Variants in IFT140 observed in about 807,000 individuals in gnomAD.
The protein encoded by IFT140 is intraflagellar transport protein 140 homolog.
A neutral mutation model predicts 164.6 loss-of-function variants in IFT140; 133 were observed. The observed-to-expected ratio is 0.81, with a 90% confidence interval of 0.70 to 0.93. IFT140 has a LOEUF of 0.93. Among genes scored for constraint, IFT140 ranks in the 40% least tolerant of loss-of-function variants. The probability of loss-of-function intolerance (pLI) is 0.00; values close to 1 mark genes in which losing one functional copy is unlikely to be tolerated. For synonymous variants in IFT140, 860 were observed against 817.3 expected (o/e 1.05, Z -0.89); for missense variants, 2,045 against 1,972.3 (o/e 1.04, Z -0.70).
intron 1 of IFT140, among the ~76,000 whole-genome samples, chr16:1,611,090 G>A (rs1213604038): frequency 1.3e-5 from 2 of 152,244 alleles, no homozygotes; most frequent in African/African-American, 2.4e-5. Context: ...GAGGGCGTGG[G>A]TCAAGCGTTT....
intron 19 of IFT140, among the ~76,000 whole-genome samples, chr16:1,534,722 A>C (rs1478490650): frequency 6.6e-6 from 1 of 152,154 alleles, no homozygotes; most frequent in African/African-American, 2.4e-5. Flanking sequence ...CCAGGGAACC[A>C]GGCCCCAAGG....
intron 19 of IFT140, among the ~76,000 whole-genome samples, chr16:1,550,230 G>A (rs1255618205): frequency 1.3e-5 from 2 of 152,084 alleles, no homozygotes; most frequent in South Asian, 2.1e-4. Flanking sequence ...TTGAGCCACC[G>A]CCCCAGCCCC....
intron 26 of IFT140, among the ~76,000 whole-genome samples, chr16:1,521,625 C>G (rs1303888610): frequency 3.3e-5 from 5 of 151,792 alleles, no homozygotes; most frequent in African/African-American, 1.2e-4. Context: ...CTCCTGACCT[C>G]AGGTGATCCA....
rs77532722 is a variant in IFT140, at chr16:1,546,122, G to A, written c.2399+11813C>T. On this transcript the variant is annotated intron_variant, in intron 19 of 30. Coordinates refer to ENST00000426508, the MANE Select transcript of IFT140 (RefSeq NM_014714.4). ...CTTGTTGATTTGTGCAGATAGGCAC[G>A]GGCAGAGAGGGAAAGGAGTATTGAA... Among the ~76,000 whole-genome samples, 206 of 152,350 alleles carry A rather than the reference G, an allele frequency of 1.4e-3. 4 individuals carry two copies. The East Asian group carries it at 0.033, about 24-fold the overall frequency.
rs1005029122 is a variant in IFT140, at chr16:1,553,226, ATCTGTCTCTGTG to A, written c.2399+4697_2399+4708del. ...TCTGTCTCTGTCTCTCTCTGTCTCCATCTGTCTCTGTGTCTGTCTCTGTCTCTCTGTATCTCT... is the reference window on the plus strand; with the variant it reads ...TCTGTCTCTGTCTCTCTCTGTCTCCATCTGTCTCTGTCTCTCTGTATCTCT... On this transcript the variant is annotated intron_variant, in intron 19 of 30. Transcript: ENST00000426508. The surrounding 1 kb of genome is among the most constrained non-coding windows in gnomAD (Gnocchi z 4.4). 2.4e-5 allele frequency: 23 copies of A among 976,066 alleles called. No individual in the cohort carries two copies. The highest frequency in any genetic ancestry group is 2.3e-4 in the African/African-American group (13 of 56,056). 60.5% of individuals were successfully genotyped at this position (976,066 alleles called of 1,614,324 possible). A position where few individuals can be genotyped will look rare whatever the true frequency, so the allele number is the denominator to read the frequency against.
rs1308740372 is a variant in IFT140, at chr16:1,530,340, C to T, written c.2400-3544G>A. ...TAGAGATGGGGTTTCATCATGTTGG[C>T]CAGGATGGTCTCGATCTCTTGACCT... On this transcript the variant is annotated intron_variant, in intron 19 of 30. Coordinates refer to ENST00000426508, the MANE Select transcript of IFT140 (RefSeq NM_014714.4). Among the ~76,000 whole-genome samples the T allele has an allele frequency of 2.6e-5, 4 of 151,876 alleles. No individual in the cohort carries two copies. In the South Asian group the frequency reaches 6.2e-4, roughly 24 times the overall value.
intron 26 of IFT140, 147 bp downstream of exon 26, chr16:1,523,371 T>G: frequency 1.3e-6 from 1 of 751,902 alleles, no homozygotes. Context: ...GTGTGCCGTA[T>G]GTGAAACCTA....
rs370629233 is a variant in IFT140 at position 1,563,992 on chromosome 16, C to T, written c.2067+5G>A. The T allele has an allele frequency of 5.0e-5, 78 of 1,563,622 alleles. No homozygotes were observed. The highest frequency in any genetic ancestry group is 3.0e-4 in the Admixed American group (17 of 56,676). ...CTAAACTCAAATACAACAGGCAGAG[C>T]GTACCGCAGGGCCAGCGCGCCCATC... is the stretch of plus-strand genomic sequence containing the variant. On this transcript the variant is annotated splice_donor_5th_base_variant and intron_variant, in intron 17 of 30. Coordinates refer to ENST00000426508, the MANE Select transcript of IFT140 (RefSeq NM_014714.4).
At chr16:1,545,743 T>G (rs1040355519) in intron 19 of IFT140, among the ~76,000 whole-genome samples, 1 of 152,090 alleles carries the variant, frequency 6.6e-6, no homozygotes, top group Non-Finnish European at 1.5e-5. Flanking sequence ...AAAGCCAGAG[T>G]GCAGCACACT....
chr16:1,602,703 A>T, intron 3 of IFT140, 112 bp from the exon 4 acceptor site: 1 of 941,414 alleles, frequency 1.1e-6, no homozygotes, highest in South Asian at 1.5e-5. Flanking sequence ...GCACTTTGGG[A>T]GGCTGAGGTG....
At chr16:1,605,924 C>T (rs984159170) in intron 3 of IFT140, among the ~76,000 whole-genome samples, 1 of 152,170 alleles carries the variant, frequency 6.6e-6, no homozygotes, top group African/African-American at 2.4e-5. Flanking sequence ...GCCCTAGTTA[C>T]ATATGCCTGA....
At chr16:1,589,518 A>T (rs1195865442) in intron 7 of IFT140, 87 bp downstream of exon 7, 28 of 1,384,248 alleles carry the variant, frequency 2.0e-5, no homozygotes, top group Non-Finnish European at 2.8e-5. Context: ...CAGTCTTGCT[A>T]TCCAGAAGAG....
At chr16:1,536,120 C>T (rs1469294820) in intron 19 of IFT140, among the ~76,000 whole-genome samples, 3 of 152,352 alleles carry the variant, frequency 2.0e-5, no homozygotes, top group Admixed American at 6.5e-5. Flanking sequence ...CCCAGCCGGC[C>T]CTTGGCCGCA....
chr16:1,539,385 G>C (rs1447181827), intron 19 of IFT140, among the ~76,000 whole-genome samples: 1 of 152,270 alleles, frequency 6.6e-6, no homozygotes, highest in Non-Finnish European at 1.5e-5. Flanking sequence ...CACGGTGCCA[G>C]GCTGAGGTCA....
intron 19 of IFT140, among the ~76,000 whole-genome samples, chr16:1,537,221 C>T (rs1054626224): frequency 2.6e-5 from 4 of 151,404 alleles, no homozygotes; most frequent in African/African-American, 4.8e-5. Flanking sequence ...TGCCTCCTCA[C>T]GCAGGCCAGG....
chr16:1,604,188 C>T (rs568679272), intron 3 of IFT140, among the ~76,000 whole-genome samples: 1 of 152,266 alleles, frequency 6.6e-6, no homozygotes, highest in South Asian at 2.1e-4. Context: ...CTAAGTCTGG[C>T]ACGGCCTTCG....
At chr16:1,592,406 C>T (rs534711180) in intron 5 of IFT140, 61 bp downstream of exon 5, 37 of 1,610,382 alleles carry the variant, frequency 2.3e-5, no homozygotes, top group East Asian at 1.6e-4. Context: ...AGGAGCAGCC[C>T]GCTTCCCACC....
chr16:1,513,980 A>C (rs2040267513), intron 30 of IFT140, among the ~76,000 whole-genome samples: 1 of 151,326 alleles, frequency 6.6e-6, no homozygotes, highest in South Asian at 2.1e-4. Context: ...GCTGCTTCTC[A>C]CAACTTTCTG....
At chr16:1,511,282 A>G in intron 30 of IFT140, 132 bp from the exon 31 acceptor site, 4 of 792,044 alleles carry the variant, frequency 5.1e-6, no homozygotes, top group South Asian at 1.5e-5. Context: ...CACGGGGTGC[A>G]CTGAGGCTTC....
Sources: allele counts gnomAD v4.1 joint callset (sites outside exome capture counted in the v4.1 genomes callset), GRCh38; gene constraint gnomAD v4.1.1; non-coding constraint Gnocchi (gnomAD v3.1); transcripts MANE v1.5; gene names NCBI Gene and HGNC (gene_info 2026-07-23, HGNC 2026-07-21).